ZDHHC16: variants seen among roughly 807,000 people sequenced by gnomAD.
ZDHHC16 encodes the protein zDHHC palmitoyltransferase 16.
ZDHHC16 carries 33 observed loss-of-function variants against 54.4 expected under a neutral mutation model. The observed-to-expected ratio is 0.61, with a 90% CI of 0.46 to 0.81. The LOEUF (loss-of-function observed/expected upper bound fraction) is 0.81. Among genes scored for constraint, ZDHHC16 ranks in the 30% least tolerant of loss-of-function variants. ZDHHC16 has a pLI of 0.00. For synonymous variants in ZDHHC16, 185 were observed against 182.1 expected (o/e 1.02, Z -0.13); for missense variants, 420 against 485.9 (o/e 0.86, Z 1.28).
intron 1 of ZDHHC16, among the ~76,000 whole-genome samples, chr10:97,449,861 C>CTTTTTTTTTTTTTTTTTTTTTTTTT (rs35173837): frequency 1.2e-5 from 1 of 81,516 alleles, no homozygotes; most frequent in African/African-American, 5.9e-5. Context: ...CCCCTTAATT[C>CTTTTTTTTTTTTTTTTTTTTTTTTT]TTTTTTTTTT....
At chr10:97,453,920 G>C in intron 8 of ZDHHC16, 74 bp downstream of exon 8, 1 of 1,596,122 alleles carries the variant, frequency 6.3e-7, no homozygotes, top group Non-Finnish European at 8.6e-7. Flanking sequence ...ATCTGGGGCC[G>C]ACCTGCCCAT....
chr10:97,453,560 A>G lies in ZDHHC16; in HGVS notation c.587A>G (p.Asn196Ser), dbSNP rs1389225214. 1 of 1,613,888 alleles carries G rather than the reference A, an allele frequency of 6.2e-7. No individual in the cohort carries two copies. The highest frequency in any genetic ancestry group is 8.5e-7 in the Non-Finnish European group (1 of 1,179,990). Reference sequence around the variant, plus strand: ...CTAAACAATTGTGTGGGCCACTATAACCATCGGTACTTCTTCTCTTTCTGC... The same window carrying G: ...CTAAACAATTGTGTGGGCCACTATAGCCATCGGTACTTCTTCTCTTTCTGC... ...PWLNNCVGHY[N>S]HRYFFSFCFF... Residue 196 changes from asparagine (N) to serine (S), a missense_variant, in exon 7 of 12, where the codon AAC becomes AGC. By Grantham distance (46) the Asn-to-Ser change is conservative. Coordinates refer to ENST00000393760, the MANE Select transcript of ZDHHC16 (RefSeq NM_198046.3).
chr10:97,453,767 A>T, intron 7 of ZDHHC16, 32 bp from the exon 8 acceptor site: 3 of 1,614,194 alleles, frequency 1.9e-6, no homozygotes, highest in Non-Finnish European at 2.5e-6. Context: ...GAGGCCTGAG[A>T]GTATAACCAG....
intron 2 of ZDHHC16, 121 bp from the exon 3 acceptor site, chr10:97,451,550 C>T: frequency 7.3e-7 from 1 of 1,378,552 alleles, no homozygotes; most frequent in Admixed American, 2.5e-5. Context: ...CAGTTGGTGA[C>T]TGGCCTAGCT....
Position 97,455,878 on chromosome 10 carries a change from T to C in ZDHHC16, c.948+95T>C, listed in dbSNP as rs779706618. 4.8e-4 allele frequency: 763 copies of C among 1,602,320 alleles called. 1 individual carries two copies. The highest frequency in any genetic ancestry group is 6.1e-4 in the Non-Finnish European group (712 of 1,172,752). On this transcript the variant is annotated intron_variant, in intron 10 of 11. Transcript: ENST00000393760. The stretch of plus-strand genomic sequence containing the variant: ...TGGGCAGGGCTGACTAGGGCAAGCA[T>C]TGTAAAAGGCCAGAACTACTCTATC...
chr10:97,452,957 T>G, intron 6 of ZDHHC16, 34 bp downstream of exon 6: 11 of 1,614,138 alleles, frequency 6.8e-6, no homozygotes, highest in Non-Finnish European at 9.3e-6. Flanking sequence ...CCTGAGGCCT[T>G]CTTTAGCTCC....
At chr10:97,453,008 C>T (rs1471939956) in intron 6 of ZDHHC16, 85 bp downstream of exon 6, 2 of 1,564,500 alleles carry the variant, frequency 1.3e-6, no homozygotes, top group Non-Finnish European at 8.8e-7. Context: ...TTTAGCATCA[C>T]CGTGCAGAGA....
intron 2 of ZDHHC16, 148 bp from the exon 3 acceptor site, chr10:97,451,522 TA>T: frequency 8.9e-7 from 1 of 1,119,164 alleles, no homozygotes; most frequent in Non-Finnish European, 1.3e-6. Context: ...AAAAGTGAAG[TA>T]ACCTTCCTAC....
At chr10:97,454,878 C>T in intron 9 of ZDHHC16, 79 bp downstream of exon 9, 2 of 1,278,064 alleles carry the variant, frequency 1.6e-6, no homozygotes, top group Admixed American at 1.8e-5. Flanking sequence ...AGGCAGAAAC[C>T]CATTCCTAAG....
chr10:97,456,521 C>A, intron 11 of ZDHHC16: 1 of 348,402 alleles, frequency 2.9e-6, no homozygotes, highest in African/African-American at 2.1e-5. Flanking sequence ...TCCTCCCTTT[C>A]CCATGTACAT....
At chr10:97,447,923 CAAA>C (rs1176349061) in intron 1 of ZDHHC16, among the ~76,000 whole-genome samples, 4 of 116,798 alleles carry the variant, frequency 3.4e-5, no homozygotes, top group Non-Finnish European at 5.5e-5. Flanking sequence ...AACTCCATCT[CAAA>C]AAAAAAAAAA....
chr10:97,446,257 G>T lies in ZDHHC16; in HGVS notation c.-282G>T. 1.8e-6 allele frequency: 1 copy of T among 552,094 alleles called. No individual in the cohort carries two copies. Among genetic ancestry groups the T allele is most frequent in the South Asian group, 2.1e-5 (1 of 48,088 alleles). The allele number at this position is 552,094 out of a possible 1,614,324, so 34.2% of individuals were successfully genotyped here. On this transcript the variant is annotated 5_prime_UTR_variant, in exon 1 of 12. Coordinates refer to ENST00000393760, the MANE Select transcript of ZDHHC16 (RefSeq NM_198046.3). Reference sequence around the variant, plus strand: ...GGGCCATGGTGGTTTGGATTGAGCCGGGCCCGGCCGGGGCGCCGAGTCGGA... The same window carrying T: ...GGGCCATGGTGGTTTGGATTGAGCCTGGCCCGGCCGGGGCGCCGAGTCGGA...
At position 97,454,732 on chromosome 10, in the gene ZDHHC16, C is replaced by A; in HGVS notation, c.757C>A (p.Pro253Thr). 6.2e-7 allele frequency: 1 copy of A among 1,614,182 alleles called. No individual in the cohort carries two copies. Among genetic ancestry groups the A allele is most frequent in the South Asian group, 1.1e-5 (1 of 91,080 alleles). ...VANQTYHQTP[P>T]PTFSFRERMT... is the part of the protein sequence containing the mutation. ...TTTCTAGACTTATCACCAGACCCCA[C>A]CACCCACCTTCTCCTTTCGAGAAAG... is the stretch of plus-strand genomic sequence containing the variant. Residue 253 changes from proline to threonine, a missense_variant, in exon 9 of 12, where the codon CCA becomes ACA. Pro to Thr is a conservative substitution (Grantham distance 38). Coordinates refer to ENST00000393760, the MANE Select transcript of ZDHHC16 (RefSeq NM_198046.3).
At position 97,451,930 on chromosome 10, in the gene ZDHHC16, C is replaced by T. The variant is rs376775575; in HGVS notation, c.243+12C>T. The T allele has an allele frequency of 5.6e-5, 90 of 1,602,740 alleles. No individual in the cohort carries two copies. In the African/African-American group the frequency reaches 1.1e-3, roughly 20 times the overall value. On this transcript the variant is annotated intron_variant, in intron 3 of 11. Coordinates refer to ENST00000393760, the MANE Select transcript of ZDHHC16 (RefSeq NM_198046.3). ...GCTGGTTTGGAGTGGTGAGTGATGT[C>T]CAGGGAGCAGGAAAAGGGGTGTTGT...
Position 97,457,192 on chromosome 10 carries a change from A to G in ZDHHC16, c.*301A>G, listed in dbSNP as rs1256456495. The G allele has an allele frequency of 5.2e-6, 1 of 194,066 alleles. No individual in the cohort carries two copies. The highest frequency in any genetic ancestry group is 1.1e-5 in the Non-Finnish European group (1 of 94,594). 12.0% of individuals were successfully genotyped at this position (194,066 alleles called of 1,614,324 possible). ...TGCTGACCCGGACCTCCTCCAGGAT[A>G]CAGCACTGGAGTTGGCCACCACCTC... On this transcript the variant is annotated 3_prime_UTR_variant, in exon 12 of 12. Transcript: ENST00000393760.
Position 97,452,445 on chromosome 10 carries a change from T to C in ZDHHC16, c.469T>C (p.Cys157Arg). 4 of 1,614,208 alleles carry C rather than the reference T, an allele frequency of 2.5e-6. No individual in the cohort carries two copies. The highest frequency in any genetic ancestry group is 3.4e-6 in the Non-Finnish European group (4 of 1,180,022). Residue 157 changes from cysteine (C) to arginine (R), a missense_variant, in exon 5 of 12, where the codon TGT (cysteine) becomes CGT (arginine). By Grantham distance (180) the Cys-to-Arg change is radical. Coordinates refer to ENST00000393760, the MANE Select transcript of ZDHHC16 (RefSeq NM_198046.3). ...GAATGATATCGCCACCGTCTCCATC[T>C]GTAAGAAGTGCATTTACCCCAAGCC... ...GRNDIATVSICKKCIYPKPAR... is the reference protein window; with the variant it reads ...GRNDIATVSIRKKCIYPKPAR...
At chr10:97,456,310 G>A (rs1228615831) in intron 11 of ZDHHC16, 14 of 450,026 alleles carry the variant, frequency 3.1e-5, no homozygotes, top group Admixed American at 3.9e-5. Flanking sequence ...TGTAGGATAT[G>A]GTGGCCACCA....
chr10:97,451,670 G>A lies in ZDHHC16; in HGVS notation c.-5-1G>A. ...ATCCTCACAATGGTGTGCTCTCGTA[G>A]GAACCATGCGAGGCCAGCGGAGCCT... On this transcript the variant is annotated splice_acceptor_variant, in intron 2 of 11. Coordinates refer to ENST00000393760, the MANE Select transcript of ZDHHC16 (RefSeq NM_198046.3). LOFTEE classifies it low-confidence loss of function (5UTR_SPLICE). The A allele has an allele frequency of 6.2e-7, 1 of 1,607,486 alleles. No homozygotes were observed. The highest frequency in any genetic ancestry group is 8.5e-7 in the Non-Finnish European group (1 of 1,177,672).
chr10:97,456,039 A>G lies in ZDHHC16; in HGVS notation c.1014A>G (p.Thr338=), dbSNP rs756432543. Residue 338 remains threonine (T), a synonymous_variant, in exon 11 of 12, where the codon ACA becomes ACG. Coordinates refer to ENST00000393760, the MANE Select transcript of ZDHHC16 (RefSeq NM_198046.3). ...DNWKVFLGVD[T]GRHWLTRVLL... Reference sequence around the variant, plus strand: ...GGAAGGTATTCCTGGGTGTGGATACAGGAAGGTAATGTAAGACACACAGAC... The same window carrying G: ...GGAAGGTATTCCTGGGTGTGGATACGGGAAGGTAATGTAAGACACACAGAC... The G allele has an allele frequency of 3.7e-6, 6 of 1,614,132 alleles. No individual in the cohort carries two copies. The South Asian group carries it at 4.4e-5, about 12-fold the overall frequency.
Sources: allele counts gnomAD v4.1 joint callset (sites outside exome capture counted in the v4.1 genomes callset), GRCh38; gene constraint gnomAD v4.1.1; transcripts MANE v1.5; gene names NCBI Gene and HGNC (gene_info 2026-07-23, HGNC 2026-07-21).